Variants in SOD2 observed in about 807,000 individuals in gnomAD.
SOD2 encodes the protein superoxide dismutase 2, also known as superoxide dismutase [Mn], mitochondrial.
Under a neutral mutation model 27.0 loss-of-function variants are expected in SOD2, and 11 were observed. That is an observed-to-expected ratio of 0.41 (90% CI 0.26 to 0.67). SOD2 has a LOEUF of 0.67. Among genes scored for constraint, SOD2 ranks in the 30% least tolerant of loss-of-function variants. The pLI is 0.34. For synonymous variants in SOD2, 105 were observed against 103.0 expected (o/e 1.02, Z -0.12); for missense variants, 250 against 274.5 (o/e 0.91, Z 0.63).
rs1019539555 is a variant in SOD2 at position 159,756,085 on chromosome 6, C to T, written c.-336+4952G>A. 2.0e-5 allele frequency: 3 copies of T among 153,738 alleles called. No homozygotes were observed. In the East Asian group the frequency reaches 5.8e-4, roughly 30 times the overall value. The allele number at this position is 153,738 out of a possible 1,614,324, so 9.5% of individuals were successfully genotyped here. A position where few individuals can be genotyped will look rare whatever the true frequency, so the allele number is the denominator to read the frequency against. On this transcript the variant is annotated intron_variant, in intron 1 of 7. Coordinates refer to the SOD2 transcript ENST00000546087. ...TTTGCCCAGTACAGTAGTTTTTTATCACTAAAAGTTGGACTCATTGATGGA... is the reference window on the plus strand; with the variant it reads ...TTTGCCCAGTACAGTAGTTTTTTATTACTAAAAGTTGGACTCATTGATGGA...
rs373794073 is a variant in SOD2 at position 159,682,487 on chromosome 6, C to T, written c.*6G>A. On this transcript the variant is annotated 3_prime_UTR_variant, in exon 5 of 5. Transcript: ENST00000538183. ...AGCTTAACATACTCAGCATAACGAT[C>T]GTGGTTTACTTTTTGCAAGCCATGT... 12 of 1,612,456 alleles carry T rather than the reference C, an allele frequency of 7.4e-6. No homozygotes were observed. Among genetic ancestry groups the T allele is most frequent in the African/African-American group, 4.0e-5 (3 of 74,900 alleles).
chr6:159,729,066 A>G (rs1778404030), upstream of SOD2, among the ~76,000 whole-genome samples: 1 of 152,226 alleles, frequency 6.6e-6, no homozygotes, highest in Non-Finnish European at 1.5e-5. Context: ...ATAAGCTGGT[A>G]GAGATGAAAC....
intron 1 of SOD2, among the ~76,000 whole-genome samples, chr6:159,714,586 G>C (rs914358626): frequency 6.6e-6 from 1 of 152,134 alleles, no homozygotes; most frequent in Non-Finnish European, 1.5e-5. Context: ...CTTTCCCACG[G>C]TACTATAAAG....
exon 1 of SOD2, chr6:159,761,965 G>T (rs755431880): frequency 2.9e-5 from 32 of 1,117,460 alleles, no homozygotes; most frequent in Non-Finnish European, 4.2e-5. Context: ...GTGGTGCGCG[G>T]GGAGGTGGAG....
rs66742481 is a variant in SOD2, at chr6:159,717,897, A to ATGTGTGTG, written c.-116+9224_-116+9231dup. 2.9e-3 allele frequency among the ~76,000 whole-genome samples: 432 copies of ATGTGTGTG among 149,582 alleles called. 2 individuals carry two copies. The highest frequency in any genetic ancestry group is 9.5e-3 in the African/African-American group (385 of 40,470). Reference sequence around the variant, plus strand: ...TATTCATACATATATATGTATGGATATGTGTGTGTGTGTGTGTGTGTGTGT... The same window carrying ATGTGTGTG: ...TATTCATACATATATATGTATGGATATGTGTGTGTGTGTGTGTGTGTGTGTGTGTGTGT... On this transcript the variant is annotated intron_variant, in intron 1 of 2. Coordinates refer to the SOD2 transcript ENST00000401980.
At chr6:159,717,216 T>G (rs1777936798) in intron 1 of SOD2, among the ~76,000 whole-genome samples, 1 of 152,166 alleles carries the variant, frequency 6.6e-6, no homozygotes, top group East Asian at 1.9e-4. Flanking sequence ...GACCAACAGA[T>G]GCTCCTTACT....
intron 1 of SOD2, among the ~76,000 whole-genome samples, chr6:159,736,024 T>C (rs1778890933): frequency 6.6e-6 from 1 of 152,164 alleles, no homozygotes; most frequent in Non-Finnish European, 1.5e-5. Context: ...ATAACTCTAA[T>C]GATGGAAGAT....
chr6:159,741,256 C>T (rs1191170681), intron 1 of SOD2, among the ~76,000 whole-genome samples: 5 of 152,064 alleles, frequency 3.3e-5, no homozygotes, highest in African/African-American at 1.2e-4. Context: ...ACAACGGTCC[C>T]CTTGTATTCT....
At chr6:159,735,768 T>C (rs1293284228) in intron 1 of SOD2, among the ~76,000 whole-genome samples, 1 of 151,832 alleles carries the variant, frequency 6.6e-6, no homozygotes, top group Non-Finnish European at 1.5e-5. Context: ...AAAAATAAAA[T>C]ATATAATATA....
rs1779629564 is a variant in SOD2, at chr6:159,670,391, T to C, written c.*12102A>G. 1 of 152,214 alleles carries C rather than the reference T, an allele frequency of 6.6e-6. No individual in the cohort carries two copies. Among genetic ancestry groups the C allele is most frequent in the African/African-American group, 2.4e-5 (1 of 41,440 alleles). 9.4% of individuals were successfully genotyped at this position (152,214 alleles called of 1,614,324 possible). On this transcript the variant is annotated 3_prime_UTR_variant, in exon 5 of 5. Coordinates refer to ENST00000538183, the MANE Select transcript of SOD2 (RefSeq NM_000636.4). The stretch of plus-strand genomic sequence containing the variant: ...CAGTAACTAGGAGCTAAAAGATTCA[T>C]TTGTTTTTTTCCTCCAGGCATCCAC...
intron 1 of SOD2, among the ~76,000 whole-genome samples, chr6:159,718,816 A>G (rs1198700950): frequency 6.6e-6 from 1 of 152,228 alleles, no homozygotes; most frequent in Admixed American, 6.5e-5. Flanking sequence ...AACCTGGCAT[A>G]GAAGAGTAGA....
At chr6:159,684,083 C>T (rs1418305651) in intron 4 of SOD2, among the ~76,000 whole-genome samples, 1 of 151,836 alleles carries the variant, frequency 6.6e-6, no homozygotes, top group East Asian at 1.9e-4. Context: ...ACTTCCAAGC[C>T]GAATATTTTC....
intron 1 of SOD2, among the ~76,000 whole-genome samples, chr6:159,752,346 C>A (rs1045633495): frequency 2.0e-5 from 3 of 152,058 alleles, no homozygotes; most frequent in East Asian, 1.9e-4. Context: ...TAAAAGTGAT[C>A]ATTTCTTTTT....
intron 1 of SOD2, among the ~76,000 whole-genome samples, chr6:159,744,935 C>T (rs1237120947): frequency 6.6e-6 from 1 of 152,194 alleles, no homozygotes; most frequent in Admixed American, 6.5e-5. Context: ...ACTCCTTGGC[C>T]TCCCAAAACT....
At chr6:159,744,379 G>T (rs1303671571) in intron 1 of SOD2, among the ~76,000 whole-genome samples, 1 of 152,110 alleles carries the variant, frequency 6.6e-6, no homozygotes, top group Non-Finnish European at 1.5e-5. Context: ...CTGTATCCTT[G>T]TTTCTGATTT....
intron 1 of SOD2, among the ~76,000 whole-genome samples, chr6:159,754,620 C>T (rs1034533684): frequency 2.6e-5 from 4 of 152,166 alleles, no homozygotes; most frequent in Non-Finnish European, 5.9e-5. Flanking sequence ...CTATGTACAT[C>T]TTCCCCTTTG....
At chr6:159,760,732 T>C (rs1401881177) in intron 1 of SOD2, 1 of 152,208 alleles carries the variant, frequency 6.6e-6, no homozygotes, top group Admixed American at 6.5e-5. Context: ...TTGGGGAACA[T>C]GTTAAGGGGA....
chr6:159,715,236 A>C (rs1330875519), intron 1 of SOD2, among the ~76,000 whole-genome samples: 1 of 152,000 alleles, frequency 6.6e-6, no homozygotes, highest in African/African-American at 2.4e-5. Flanking sequence ...GAAGACCTGG[A>C]TTGGCCAGTG....
intron 1 of SOD2, chr6:159,736,363 A>T (rs895196173): frequency 5.6e-5 from 63 of 1,119,110 alleles, no homozygotes; most frequent in South Asian, 4.6e-4. Flanking sequence ...TAAGCACTTT[A>T]AAAAAAAATA....
Sources: gnomAD v4.1 joint callset for allele counts (sites outside exome capture counted in the v4.1 genomes callset) on GRCh38, gnomAD v4.1.1 for gene constraint, MANE v1.5 for transcripts, NCBI Gene and HGNC (gene_info 2026-07-23, HGNC 2026-07-21) for gene names.